Variants in MTMR8 observed in about 807,000 individuals in gnomAD.
MTMR8 encodes the protein phosphatidylinositol-3,5-bisphosphate 3-phosphatase MTMR8.
In MTMR8, 65 loss-of-function variants were observed where a neutral mutation model predicts 39.3. The observed-to-expected ratio is 1.65, with a 90% CI of 1.35 to 2.03. The LOEUF is 2.03. Among genes scored for constraint, MTMR8 ranks in the 30% most tolerant of loss-of-function variants. The pLI, the probability that MTMR8 is intolerant of heterozygous loss-of-function variation, is 0.00. For missense variants in MTMR8, 777 were observed against 538.9 expected, an observed-to-expected ratio of 1.44 and a Z score of -4.37; for synonymous variants, 245 against 185.2, an observed-to-expected ratio of 1.32 and a Z score of -2.62.
intron 12 of MTMR8, among the ~76,000 whole-genome samples, chrX:64,325,989 G>T (rs1021602125): frequency 6.3e-5 from 7 of 111,608 alleles, no homozygotes; most frequent in African/African-American, 2.3e-4. Flanking sequence ...GCCCACTGTT[G>T]ACCAGAAGCC....
chrX:64,317,227 T>C (rs1395119137), intron 12 of MTMR8, among the ~76,000 whole-genome samples: 1 of 111,868 alleles, frequency 8.9e-6, no homozygotes, highest in East Asian at 2.8e-4. Flanking sequence ...CTCGAATCTA[T>C]ACGTATAAGC....
rs186270075 is a variant in MTMR8, at chrX:64,271,009, T to C, written c.1546A>G (p.Ser516Gly). 9.9e-6 allele frequency: 12 copies of C among 1,207,845 alleles called. No individual in the cohort carries two copies. In the African/African-American group the frequency reaches 2.1e-4, roughly 21 times the overall value. The part of the protein sequence containing the change: ...GLQPKQSMLE[S>G]LLEIKKQRAM... ...CTCTGTTTCTTAATTTCCAGGAGGC[T>C]CTCTAGCATACTCTGCTTGGGCTGC... The change falls in exon 13 of 14, where the codon AGC (serine) becomes GGC (glycine). Residue 516 changes from serine (S) to glycine (G), a missense_variant. By Grantham distance (56) the Ser-to-Gly change is moderately conservative (BLOSUM62 0). Coordinates refer to ENST00000374852, the MANE Select transcript of MTMR8 (RefSeq NM_017677.4).
At chrX:64,348,617 G>T (rs774542125) in intron 6 of MTMR8, 43 bp downstream of exon 6, 21 of 1,200,006 alleles carry the variant, frequency 1.7e-5, no homozygotes, top group Non-Finnish European at 2.4e-5. Context: ...GAGGTAGAAT[G>T]CAAGAGGCAG....
intron 1 of MTMR8, among the ~76,000 whole-genome samples, chrX:64,392,958 A>G (rs898369540): frequency 1.8e-5 from 2 of 111,708 alleles, no homozygotes; most frequent in African/African-American, 6.5e-5. Context: ...ACTGAGAAAA[A>G]AACAGACTCA....
intron 12 of MTMR8, among the ~76,000 whole-genome samples, chrX:64,313,146 A>C (rs1338242324): frequency 8.9e-6 from 1 of 112,377 alleles, no homozygotes; most frequent in African/African-American, 3.2e-5. Context: ...TCTTCTTTCT[A>C]ATTATGAAAG....
At chrX:64,305,071 C>T (rs191434399) in intron 12 of MTMR8, 3,489 of 209,100 alleles carry the variant, frequency 0.017, 233 homozygotes, top group Admixed American at 0.15. Context: ...TATTGGTATA[C>T]TGGCAGATAA....
rs948967101 is a variant in MTMR8 at position 64,334,599 on chromosome X, G to A, written c.1151+1480C>T. On this transcript the variant is annotated intron_variant, in intron 10 of 13. Coordinates refer to ENST00000374852, the MANE Select transcript of MTMR8 (RefSeq NM_017677.4). The stretch of plus-strand genomic sequence containing the variant: ...AAAAAAAAAAAAAAAAAAAAAACAG[G>A]GCTCTGAATGATCTTCTCCTCACTG... Among the ~76,000 whole-genome samples, 3 of 103,229 alleles carry A rather than the reference G, an allele frequency of 2.9e-5. 1 individual carries two copies. Among genetic ancestry groups the A allele is most frequent in the Non-Finnish European group, 2.0e-5 (1 of 50,689 alleles). 89.6% of individuals were successfully genotyped at this position (103,229 alleles called of 115,157 possible).
At chrX:64,306,107 C>T (rs1263776981) in intron 12 of MTMR8, 1 of 220,929 alleles carries the variant, frequency 4.5e-6, no homozygotes, top group Non-Finnish European at 8.9e-6. Context: ...GCCCCTATCA[C>T]AGAAAAAAAA....
At chrX:64,387,896 G>T (rs1422988266) in intron 1 of MTMR8, among the ~76,000 whole-genome samples, 1 of 109,955 alleles carries the variant, frequency 9.1e-6, no homozygotes, top group Non-Finnish European at 1.9e-5. Flanking sequence ...GAGAAAAGAG[G>T]CTGACCACCA....
chrX:64,305,812 G>A, intron 12 of MTMR8: 1 of 350,903 alleles, frequency 2.8e-6, no homozygotes, highest in Non-Finnish European at 5.4e-6. Context: ...TCTTTGTGGT[G>A]ACATAAATTG....
chrX:64,353,477 C>T, intron 4 of MTMR8, among the ~76,000 whole-genome samples: 1 of 111,927 alleles, frequency 8.9e-6, no homozygotes, highest in South Asian at 3.7e-4. Context: ...AAATGACCAA[C>T]AAGTATATGA....
intron 1 of MTMR8, among the ~76,000 whole-genome samples, chrX:64,387,394 C>A (rs1044153577): frequency 5.4e-5 from 6 of 111,171 alleles, no homozygotes; most frequent in African/African-American, 2.0e-4. Flanking sequence ...ACAAAGAGTG[C>A]TGTGTGACAC....
At chrX:64,296,918 T>C (rs1247868359) in intron 12 of MTMR8, among the ~76,000 whole-genome samples, 17 of 103,767 alleles carry the variant, frequency 1.6e-4, no homozygotes, top group Non-Finnish European at 2.9e-4. Context: ...ACTCATCATT[T>C]TTTATGGCTG....
At chrX:64,358,307 C>A (rs1440306296) in intron 2 of MTMR8, among the ~76,000 whole-genome samples, 2 of 111,523 alleles carry the variant, frequency 1.8e-5, no homozygotes, top group Non-Finnish European at 3.8e-5. Flanking sequence ...ACATTCTTAT[C>A]ACAGCAAAAG....
rs887197771 is a variant in MTMR8 at position 64,356,060 on chromosome X, A to G, written c.310+116T>C. 4 of 695,230 alleles carry G rather than the reference A, an allele frequency of 5.8e-6. No homozygotes were observed. In the Admixed American group the frequency reaches 1.1e-4, roughly 20 times the overall value. The allele number at this position is 695,230 out of a possible 1,213,427, so 57.3% of individuals were successfully genotyped here. A position where few individuals can be genotyped will look rare whatever the true frequency, so the allele number is the denominator to read the frequency against. ...AACTTGCCCAAATATAATGGAGCTA[A>G]TAAGTGGTACAGCCCAGATCCAAAC... On this transcript the variant is annotated intron_variant, in intron 3 of 13. Transcript: ENST00000374852.
intron 1 of MTMR8, among the ~76,000 whole-genome samples, chrX:64,385,393 G>T (rs769443645): frequency 8.0e-5 from 9 of 111,921 alleles, no homozygotes; most frequent in Non-Finnish European, 1.7e-4. Context: ...CTCTGCCCAT[G>T]ACCCAGTTCC....
chrX:64,303,760 A>G (rs1921983846), intron 12 of MTMR8, among the ~76,000 whole-genome samples: 1 of 112,728 alleles, frequency 8.9e-6, no homozygotes, highest in Non-Finnish European at 1.9e-5. Context: ...ATTTTCATAT[A>G]AAACAAAGTT....
chrX:64,325,267 C>A (rs1472771465), intron 12 of MTMR8, among the ~76,000 whole-genome samples: 3 of 111,857 alleles, frequency 2.7e-5, no homozygotes, highest in Non-Finnish European at 5.6e-5. Flanking sequence ...CTAGTCGGCA[C>A]AACTGAAGAG....
In MTMR8 at chrX:64,298,747, T is replaced by C. The variant is rs141436695; in HGVS notation, c.1482-27674A>G. Among the ~76,000 whole-genome samples the C allele has an allele frequency of 3.7e-3, 243 of 65,638 alleles. No individual in the cohort carries two copies. The African/African-American group carries it at 0.06, about 16-fold the overall frequency. 57.0% of individuals were successfully genotyped at this position (65,638 alleles called of 115,157 possible). A position where few individuals can be genotyped will look rare whatever the true frequency, so the allele number is the denominator to read the frequency against. ...AGATAGCTCTTATTATTTTGAAATATGTCCCATCAATACCTAATTTATTGA... is the reference window on the plus strand; with the variant it reads ...AGATAGCTCTTATTATTTTGAAATACGTCCCATCAATACCTAATTTATTGA... On this transcript the variant is annotated intron_variant, in intron 12 of 13. Transcript: ENST00000374852.
Sources: allele counts gnomAD v4.1 joint callset (sites outside exome capture counted in the v4.1 genomes callset), GRCh38; gene constraint gnomAD v4.1.1; transcripts MANE v1.5; gene names NCBI Gene and HGNC (gene_info 2026-07-23, HGNC 2026-07-21).